Variants in DLGAP2 observed in about 807,000 individuals in gnomAD.
The protein encoded by DLGAP2 is disks large-associated protein 2.
Under a neutral mutation model 100.3 loss-of-function variants are expected in DLGAP2, and 26 were observed. The ratio of observed to expected loss-of-function variants is 0.26; its 90% CI spans 0.19 to 0.36. The LOEUF is 0.36. Among genes scored for constraint, DLGAP2 ranks in the 10% least tolerant of loss-of-function variants. The pLI is 1.00. For missense variants in DLGAP2, 1,858 were observed against 1,453.2 expected (o/e 1.28, Z -4.53); for synonymous variants, 886 against 630.1 (o/e 1.41, Z -6.08).
intron 1 of DLGAP2, among the ~76,000 whole-genome samples, chr8:806,328 C>T (rs979130509): frequency 6.6e-6 from 1 of 152,172 alleles, no homozygotes; most frequent in Non-Finnish European, 1.5e-5. Flanking sequence ...GAGGGCGGCC[C>T]AGGCAGCCAG....
chr8:1,606,229 G>T (rs1796794185), intron 6 of DLGAP2, among the ~76,000 whole-genome samples: 1 of 152,080 alleles, frequency 6.6e-6, no homozygotes, highest in South Asian at 2.1e-4. Context: ...TAAATAGAGT[G>T]CTCTTCGTAT....
chr8:930,218 G>T (rs1448999320), intron 2 of DLGAP2, among the ~76,000 whole-genome samples: 3 of 152,214 alleles, frequency 2.0e-5, no homozygotes, highest in Non-Finnish European at 4.4e-5. Flanking sequence ...CCTGGAGGAA[G>T]CAAAGGCAAG....
In DLGAP2 at chr8:1,221,736, G is replaced by A. The variant is rs151117927; in HGVS notation, c.74-37115G>A. 4.5e-3 allele frequency among the ~76,000 whole-genome samples: 684 copies of A among 152,246 alleles called. 6 individuals carry two copies. Among genetic ancestry groups the A allele is most frequent in the South Asian group, 0.014 (66 of 4,826 alleles). On this transcript the variant is annotated intron_variant, in intron 2 of 14. Transcript: ENST00000637795. ...CTCCACCTCTTTCAGCAATGTTAGC[G>A]AGTCATAGGTTTGCTCTCTTTACAT... is the stretch of plus-strand genomic sequence containing the variant.
chr8:1,195,510 C>G, intron 2 of DLGAP2, among the ~76,000 whole-genome samples: 1 of 152,216 alleles, frequency 6.6e-6, no homozygotes, highest in Non-Finnish European at 1.5e-5. Flanking sequence ...TGTTTCCCCA[C>G]TTGGAAAAAT....
At chr8:1,251,138 A>G (rs1398202475) in intron 2 of DLGAP2, among the ~76,000 whole-genome samples, 3 of 152,208 alleles carry the variant, frequency 2.0e-5, no homozygotes, top group African/African-American at 4.8e-5. Flanking sequence ...AACCCGTGCA[A>G]CAAGCAATAT....
intron 2 of DLGAP2, among the ~76,000 whole-genome samples, chr8:1,174,480 T>TTAC (rs200130843): frequency 2.7e-5 from 4 of 150,820 alleles, no homozygotes; most frequent in African/African-American, 9.9e-5. Flanking sequence ...ACCATTACCA[T>TTAC]CATCATCATC....
chr8:1,453,956 C>T (rs1285677840), intron 3 of DLGAP2, among the ~76,000 whole-genome samples: 1 of 152,224 alleles, frequency 6.6e-6, no homozygotes, highest in Non-Finnish European at 1.5e-5. Flanking sequence ...AGATACAAAG[C>T]CAGATGTGGC....
chr8:1,414,760 A>G (rs1001798969), intron 3 of DLGAP2, among the ~76,000 whole-genome samples: 2 of 152,150 alleles, frequency 1.3e-5, no homozygotes, highest in African/African-American at 2.4e-5. Flanking sequence ...TGTAATCCCA[A>G]CACTTTCGGA....
chr8:1,305,227 T>C (rs1800460534), intron 3 of DLGAP2, among the ~76,000 whole-genome samples: 1 of 152,158 alleles, frequency 6.6e-6, no homozygotes, highest in Admixed American at 6.5e-5. Context: ...AAGTAGCATC[T>C]CTCAATGTTA....
At chr8:899,659 C>T (rs1563085920) in intron 1 of DLGAP2, among the ~76,000 whole-genome samples, 1 of 152,236 alleles carries the variant, frequency 6.6e-6, no homozygotes. Flanking sequence ...AAATGCTATA[C>T]ATCTCATCTC....
At chr8:1,062,930 T>C (rs1232209804) in intron 2 of DLGAP2, among the ~76,000 whole-genome samples, 1 of 152,224 alleles carries the variant, frequency 6.6e-6, no homozygotes, top group Admixed American at 6.5e-5. Flanking sequence ...CTGTTCCAGC[T>C]TATTCTCCAT....
chr8:1,333,150 GGA>G (rs1306947846), intron 3 of DLGAP2, among the ~76,000 whole-genome samples: 1 of 152,158 alleles, frequency 6.6e-6, no homozygotes, highest in East Asian at 1.9e-4. Context: ...GTGAGCACAA[GGA>G]GAGAGATCAG....
intron 3 of DLGAP2, among the ~76,000 whole-genome samples, chr8:1,270,864 A>G (rs10087758): frequency 6.6e-6 from 1 of 151,820 alleles, no homozygotes; most frequent in African/African-American, 2.4e-5. Context: ...CTCTGCTGTC[A>G]GGGTCTGATT....
intron 2 of DLGAP2, among the ~76,000 whole-genome samples, chr8:945,829 C>A (rs544570560): frequency 6.6e-6 from 1 of 151,874 alleles, no homozygotes; most frequent in South Asian, 2.1e-4. Flanking sequence ...TCCATTTCCC[C>A]CTCTCTCTCT....
intron 5 of DLGAP2, among the ~76,000 whole-genome samples, chr8:1,557,531 C>T (rs903021906): frequency 3.3e-5 from 5 of 152,094 alleles, no homozygotes; most frequent in African/African-American, 9.7e-5. Flanking sequence ...CAGGGGTCTC[C>T]GCACCGAGGC....
At chr8:1,130,571 A>G (rs1207642354) in intron 2 of DLGAP2, among the ~76,000 whole-genome samples, 2 of 152,096 alleles carry the variant, frequency 1.3e-5, no homozygotes, top group African/African-American at 4.8e-5. Context: ...CTGAACCCCA[A>G]CTGTAACTGG....
chr8:1,626,290 T>C (rs369030809), intron 6 of DLGAP2, among the ~76,000 whole-genome samples: 105 of 93,236 alleles, frequency 1.1e-3, no homozygotes, highest in Middle Eastern at 0.019. Flanking sequence ...GCTGTTCCCA[T>C]CTCTGCCCTG....
At chr8:902,259 G>C (rs966357789) in intron 1 of DLGAP2, among the ~76,000 whole-genome samples, 1 of 152,166 alleles carries the variant, frequency 6.6e-6, no homozygotes, top group East Asian at 2.0e-4. Context: ...AGGAGTCCTC[G>C]CTGAGCCCCC....
At chr8:1,511,184 C>G (rs1346390943) in intron 4 of DLGAP2, among the ~76,000 whole-genome samples, 1 of 151,540 alleles carries the variant, frequency 6.6e-6, no homozygotes, top group East Asian at 1.9e-4. Flanking sequence ...CAATAGATGA[C>G]CATCTTCCAT....
Sources: allele counts gnomAD v4.1 joint callset (sites outside exome capture counted in the v4.1 genomes callset), GRCh38; gene constraint gnomAD v4.1.1; transcripts MANE v1.5; gene names NCBI Gene and HGNC (gene_info 2026-07-23, HGNC 2026-07-21).